Variants in MAST4 observed in about 807,000 individuals in gnomAD.
MAST4 encodes the protein microtubule-associated serine/threonine-protein kinase 4.
In MAST4, 89 loss-of-function variants were observed where a neutral mutation model predicts 162.7. The observed-to-expected ratio is 0.55, with a 90% CI of 0.46 to 0.65. The LOEUF (loss-of-function observed/expected upper bound fraction) is 0.65. MAST4 is among the 30% of genes least tolerant of loss of function. The pLI is 0.00. For synonymous variants in MAST4, 1,479 were observed against 1,361.1 expected (o/e 1.09, Z -1.91); for missense variants, 3,153 against 3,374.0 (o/e 0.93, Z 1.62).
At chr5:66,714,122 G>A (rs1312340172) in intron 1 of MAST4, among the ~76,000 whole-genome samples, 1 of 152,206 alleles carries the variant, frequency 6.6e-6, no homozygotes, top group African/African-American at 2.4e-5. Flanking sequence ...CCTCTACTTA[G>A]TCTTTCTGCT....
At chr5:66,868,936 T>G (rs1230665133) in intron 3 of MAST4, among the ~76,000 whole-genome samples, 1 of 152,130 alleles carries the variant, frequency 6.6e-6, no homozygotes, top group African/African-American at 2.4e-5. Flanking sequence ...ATTAGCTAAT[T>G]AAAAAATAAA....
At chr5:67,102,305 G>C (rs756417863) in intron 8 of MAST4, among the ~76,000 whole-genome samples, 33 of 152,044 alleles carry the variant, frequency 2.2e-4, no homozygotes, top group Non-Finnish European at 3.5e-4. Context: ...ATGATTTTGT[G>C]GCATTCCACT....
chr5:66,961,346 A>G (rs1395316690), intron 4 of MAST4, among the ~76,000 whole-genome samples: 4 of 152,230 alleles, frequency 2.6e-5, no homozygotes, highest in African/African-American at 7.2e-5. Context: ...TTGAATGTTC[A>G]TCAGACATTA....
At chr5:67,010,435 T>A (rs1581188994) in intron 4 of MAST4, among the ~76,000 whole-genome samples, 1 of 152,014 alleles carries the variant, frequency 6.6e-6, no homozygotes, top group Non-Finnish European at 1.5e-5. Flanking sequence ...TGGGAGGAGT[T>A]TGGGGACAGG....
chr5:66,793,791 T>C (rs190320943), intron 3 of MAST4, among the ~76,000 whole-genome samples: 129 of 152,332 alleles, frequency 8.5e-4, no homozygotes, highest in Non-Finnish European at 1.5e-3. Context: ...GACCATCCTG[T>C]TTCAAACTGT....
intron 1 of MAST4, among the ~76,000 whole-genome samples, chr5:66,629,775 A>G (rs1008673040): frequency 6.6e-6 from 1 of 152,226 alleles, no homozygotes; most frequent in Non-Finnish European, 1.5e-5. Flanking sequence ...TATAGTGTTC[A>G]ATAATTTTAA....
chr5:66,645,852 ACCTTTCTTTCCTTTTCCT>A (rs1414647752), intron 1 of MAST4, among the ~76,000 whole-genome samples: 1 of 152,040 alleles, frequency 6.6e-6, no homozygotes. Flanking sequence ...AGTCCATTCC[ACCTTTCTTTCCTTTTCCT>A]CCTTTTCTCA....
intron 2 of MAST4, among the ~76,000 whole-genome samples, 177 bp downstream of exon 2, chr5:66,760,039 T>A (rs568128792): frequency 6.6e-6 from 1 of 152,256 alleles, no homozygotes; most frequent in Non-Finnish European, 1.5e-5. Flanking sequence ...ATTAATAAAC[T>A]TTGCTGAAAT....
intron 4 of MAST4, among the ~76,000 whole-genome samples, chr5:66,974,019 G>C (rs1747801889): frequency 6.6e-6 from 1 of 152,048 alleles, no homozygotes; most frequent in African/African-American, 2.4e-5. Context: ...TAGCTGTCCA[G>C]AGCAGCTAAA....
intron 1 of MAST4, among the ~76,000 whole-genome samples, chr5:66,652,832 AG>A (rs1746313912): frequency 6.6e-6 from 1 of 152,138 alleles, no homozygotes; most frequent in African/African-American, 2.4e-5. Context: ...TTTTTATTTG[AG>A]GGAAAAAAAT....
At chr5:66,720,783 AT>A (rs1751153789) in intron 1 of MAST4, among the ~76,000 whole-genome samples, 1 of 151,342 alleles carries the variant, frequency 6.6e-6, no homozygotes, top group African/African-American at 2.4e-5. Flanking sequence ...ATAATTTTTT[AT>A]TTTCTTGTTT....
chr5:66,847,820 C>CAAAAAAAAAAAAAAAAAAAAAAA (rs777825639), intron 3 of MAST4, among the ~76,000 whole-genome samples: 27 of 54,142 alleles, frequency 5.0e-4, no homozygotes, highest in East Asian at 2.7e-3. Flanking sequence ...GACTCCTTCT[C>CAAAAAAAAAAAAAAAAAAAAAAA]AAAAAAAAAA....
In MAST4 at chr5:66,845,092, TATATATATATATATA is replaced by T. The variant is rs1758728782; in HGVS notation, c.643-54858_643-54844del. Among the ~76,000 whole-genome samples, 3 of 66,132 alleles carry T rather than the reference TATATATATATATATA, an allele frequency of 4.5e-5. No homozygotes were observed. The South Asian group carries it at 2.1e-3, about 47-fold the overall frequency. 43.4% of individuals were successfully genotyped at this position (66,132 alleles called of 152,430 possible). A position where few individuals can be genotyped will look rare whatever the true frequency, so the allele number is the denominator to read the frequency against. The stretch of plus-strand genomic sequence containing the variant: ...CATTAAGGTCACTAATCTTTATATA[TATATATATATATATA>T]TATATATATATATATATATACACAC... On this transcript the variant is annotated intron_variant, in intron 3 of 28. Transcript: ENST00000403625.
chr5:67,095,880 A>G (rs1175031345), intron 7 of MAST4, among the ~76,000 whole-genome samples: 2 of 152,230 alleles, frequency 1.3e-5, no homozygotes, highest in Non-Finnish European at 2.9e-5. Context: ...ACTGTAGTGC[A>G]TAAATTGAGT....
At chr5:66,808,982 A>T (rs1756342503) in intron 3 of MAST4, among the ~76,000 whole-genome samples, 1 of 152,166 alleles carries the variant, frequency 6.6e-6, no homozygotes, top group Admixed American at 6.5e-5. Flanking sequence ...GGAGCTGAAG[A>T]GGTATTTCTT....
At chr5:66,923,883 A>G (rs1395360960) in intron 4 of MAST4, among the ~76,000 whole-genome samples, 1 of 152,204 alleles carries the variant, frequency 6.6e-6, no homozygotes, top group Non-Finnish European at 1.5e-5. Flanking sequence ...TTTAAAAGCT[A>G]TCATTCAATT....
intron 1 of MAST4, among the ~76,000 whole-genome samples, chr5:66,737,631 G>T (rs1018316959): frequency 6.6e-6 from 1 of 152,084 alleles, no homozygotes; most frequent in Non-Finnish European, 1.5e-5. Context: ...TGTGTCTAGG[G>T]TACATACTGA....
chr5:66,919,875 G>T (rs1376138962), intron 4 of MAST4, among the ~76,000 whole-genome samples: 1 of 150,362 alleles, frequency 6.7e-6, no homozygotes, highest in African/African-American at 2.5e-5. Flanking sequence ...GAACTCTTTC[G>T]CTCTCTTTCT....
At chr5:66,898,603 C>G (rs1762828181) in intron 3 of MAST4, among the ~76,000 whole-genome samples, 1 of 152,082 alleles carries the variant, frequency 6.6e-6, no homozygotes, top group African/African-American at 2.4e-5. Flanking sequence ...AAGAAAAAAG[C>G]AAAGCAAAGC....
Sources: gnomAD v4.1 joint callset for allele counts (sites outside exome capture counted in the v4.1 genomes callset) on GRCh38, gnomAD v4.1.1 for gene constraint, MANE v1.5 for transcripts, NCBI Gene and HGNC (gene_info 2026-07-23, HGNC 2026-07-21) for gene names.